Variants in ADGRB3 observed in about 807,000 individuals in gnomAD.
The protein encoded by ADGRB3 is brain-specific angiogenesis inhibitor 3.
In ADGRB3, 37 loss-of-function variants were observed where a neutral mutation model predicts 193.4. The ratio of observed to expected loss-of-function variants is 0.19; its 90% confidence interval spans 0.15 to 0.25. The LOEUF is 0.25. Among genes scored for constraint, ADGRB3 ranks in the 10% least tolerant of loss-of-function variants. The pLI, the probability that ADGRB3 is intolerant of heterozygous loss-of-function variation, is 1.00. For missense variants in ADGRB3, 1,637 were observed against 1,852.9 expected, an observed-to-expected ratio of 0.88 and a Z score of 2.14; for synonymous variants, 690 against 644.2, an observed-to-expected ratio of 1.07 and a Z score of -1.08.
At chr6:68,772,890 AAAAAATATATATAT>A (rs1398184012) in intron 3 of ADGRB3, among the ~76,000 whole-genome samples, 3,767 of 45,966 alleles carry the variant, frequency 0.082, 174 homozygotes, top group Non-Finnish European at 0.1. Flanking sequence ...AACAAAAAAA[AAAAAATATATATAT>A]ATATATATAT....
chr6:69,370,062 G>C (rs1769674165), intron 29 of ADGRB3, among the ~76,000 whole-genome samples: 1 of 152,124 alleles, frequency 6.6e-6, no homozygotes, highest in Non-Finnish European at 1.5e-5. Context: ...GCAAGAGATA[G>C]TAAATGAAAT....
At chr6:68,801,828 T>G (rs1767317814) in intron 3 of ADGRB3, among the ~76,000 whole-genome samples, 1 of 152,200 alleles carries the variant, frequency 6.6e-6, no homozygotes, top group Admixed American at 6.5e-5. Context: ...TCGTCTCCAG[T>G]ATGTTCCACT....
At chr6:68,787,460 T>C (rs1766999971) in intron 3 of ADGRB3, among the ~76,000 whole-genome samples, 1 of 152,240 alleles carries the variant, frequency 6.6e-6, no homozygotes, top group African/African-American at 2.4e-5. Flanking sequence ...TTACATTTAT[T>C]GATTTGCGTA....
intron 24 of ADGRB3, among the ~76,000 whole-genome samples, chr6:69,337,171 C>T (rs1768867477): frequency 1.3e-5 from 2 of 152,026 alleles, no homozygotes; most frequent in Admixed American, 1.3e-4. Context: ...ATTTGGCTTT[C>T]GATCTTGTTT....
chr6:68,946,425 T>G (rs1347282946), intron 6 of ADGRB3, among the ~76,000 whole-genome samples: 1 of 152,070 alleles, frequency 6.6e-6, no homozygotes, highest in African/African-American at 2.4e-5. Context: ...ATTCAGAAGA[T>G]TCAGACATAA....
At chr6:69,251,056 G>A (rs1334945244) in intron 20 of ADGRB3, among the ~76,000 whole-genome samples, 2 of 152,278 alleles carry the variant, frequency 1.3e-5, no homozygotes, top group East Asian at 3.9e-4. Context: ...GGGTCAATAA[G>A]CCCTTAGTCA....
chr6:69,079,469 A>T (rs139160289), intron 17 of ADGRB3, among the ~76,000 whole-genome samples: 63 of 152,266 alleles, frequency 4.1e-4, no homozygotes, highest in African/African-American at 1.4e-3. Context: ...AGCCAATATC[A>T]TACTGAATGG....
intron 3 of ADGRB3, among the ~76,000 whole-genome samples, chr6:68,908,398 T>C (rs540265249): frequency 1.2e-3 from 185 of 152,228 alleles, no homozygotes; most frequent in African/African-American, 4.3e-3. Context: ...CAGCTAGACC[T>C]CTCTGGTGAA....
chr6:69,231,943 A>T (rs1766149708), intron 17 of ADGRB3, among the ~76,000 whole-genome samples: 1 of 152,222 alleles, frequency 6.6e-6, no homozygotes, highest in Non-Finnish European at 1.5e-5. Flanking sequence ...TCAACTTGGA[A>T]GTTCAACTGT....
At chr6:69,195,213 C>A (rs1268850850) in intron 17 of ADGRB3, among the ~76,000 whole-genome samples, 1 of 151,978 alleles carries the variant, frequency 6.6e-6, no homozygotes, top group East Asian at 1.9e-4. Flanking sequence ...GTACCAATTG[C>A]AGATACTACT....
At chr6:69,093,391 G>A (rs1440698909) in intron 17 of ADGRB3, among the ~76,000 whole-genome samples, 1 of 151,882 alleles carries the variant, frequency 6.6e-6, no homozygotes, top group Admixed American at 6.6e-5. Context: ...ATTCAGGAGA[G>A]TCATGTAGCC....
intron 3 of ADGRB3, among the ~76,000 whole-genome samples, chr6:68,698,034 A>G (rs1765185060): frequency 6.6e-6 from 1 of 151,808 alleles, no homozygotes; most frequent in South Asian, 2.1e-4. Context: ...TAGATAGATG[A>G]TAGATATTAG....
intron 3 of ADGRB3, among the ~76,000 whole-genome samples, chr6:68,741,521 G>A (rs553431698): frequency 1.3e-5 from 2 of 152,162 alleles, no homozygotes; most frequent in South Asian, 4.2e-4. Flanking sequence ...CGAGTAGCTG[G>A]GACTACAGAC....
At chr6:69,090,069 G>A (rs1772663029) in intron 17 of ADGRB3, among the ~76,000 whole-genome samples, 1 of 152,038 alleles carries the variant, frequency 6.6e-6, no homozygotes, top group Non-Finnish European at 1.5e-5. Context: ...CTTTCCAAGT[G>A]GTTATAACAC....
At chr6:69,030,956 T>C (rs796135459) in intron 13 of ADGRB3, among the ~76,000 whole-genome samples, 2 of 72,370 alleles carry the variant, frequency 2.8e-5, no homozygotes, top group Non-Finnish European at 6.0e-5. Context: ...TTCTTTTCTT[T>C]TTTTCTTTTC....
At chr6:69,006,987 C>A (rs1769775881) in intron 11 of ADGRB3, among the ~76,000 whole-genome samples, 1 of 152,118 alleles carries the variant, frequency 6.6e-6, no homozygotes. Flanking sequence ...ACCTCTTGAG[C>A]TATAGGCTTG....
intron 17 of ADGRB3, among the ~76,000 whole-genome samples, chr6:69,094,284 G>A (rs1230241691): frequency 6.6e-6 from 1 of 152,188 alleles, no homozygotes; most frequent in Non-Finnish European, 1.5e-5. Context: ...TTTAATTGGT[G>A]CATTTTGATT....
At chr6:69,030,956 T>TTCTCTTTTCTTTTCTTTTCTTTTC in intron 13 of ADGRB3, among the ~76,000 whole-genome samples, 1 of 72,426 alleles carries the variant, frequency 1.4e-5, no homozygotes, top group African/African-American at 5.8e-5. Context: ...TTCTTTTCTT[T>TTCTCTTTTCTTTTCTTTTCTTTTC]TTTTCTTTTC....
chr6:69,253,071 T>C (rs768775664), intron 20 of ADGRB3, among the ~76,000 whole-genome samples: 9 of 152,018 alleles, frequency 5.9e-5, no homozygotes, highest in African/African-American at 1.2e-4. Context: ...TAAATTGCTT[T>C]GGTAGCTTTG....
Sources: allele counts gnomAD v4.1 joint callset (sites outside exome capture counted in the v4.1 genomes callset), GRCh38; gene constraint gnomAD v4.1.1; transcripts MANE v1.5; gene names NCBI Gene and HGNC (gene_info 2026-07-23, HGNC 2026-07-21).